The following PIWIL3 variants were observed in gnomAD, a reference collection of about 807,000 sequenced individuals.
PIWIL3 encodes piwi-like protein 3.
Under a neutral mutation model 109.7 loss-of-function variants are expected in PIWIL3, and 101 were observed. The ratio of observed to expected loss-of-function variants is 0.92; its 90% CI spans 0.78 to 1.09. The LOEUF (loss-of-function observed/expected upper bound fraction) is 1.09, where lower values mean the gene tolerates loss of function less well. PIWIL3 is among the 50% of genes least tolerant of loss of function. PIWIL3 has a pLI of 0.00. For synonymous variants in PIWIL3, 373 were observed against 376.4 expected (o/e 0.99, Z 0.10); for missense variants, 1,031 against 1,072.6 (o/e 0.96, Z 0.54).
At chr22:24,767,380 AAT>A (rs1254362433) in intron 1 of PIWIL3, among the ~76,000 whole-genome samples, 3 of 150,968 alleles carry the variant, frequency 2.0e-5, no homozygotes, top group Non-Finnish European at 3.0e-5. Flanking sequence ...TACTAAAAAA[AAT>A]AAATAAATAA....
intron 8 of PIWIL3, among the ~76,000 whole-genome samples, chr22:24,753,784 A>G (rs1344103648): frequency 6.6e-6 from 1 of 152,238 alleles, no homozygotes; most frequent in Non-Finnish European, 1.5e-5. Context: ...TGTGCAAGGT[A>G]GGGTTCAGAA....
chr22:24,768,920 C>T (rs115258859), intron 1 of PIWIL3, among the ~76,000 whole-genome samples: 2 of 152,282 alleles, frequency 1.3e-5, no homozygotes, highest in African/African-American at 4.8e-5. Flanking sequence ...ACAAGGTTTC[C>T]TCTTCACCAT....
chr22:24,742,110 T>A (rs1184731026), intron 12 of PIWIL3, among the ~76,000 whole-genome samples: 1 of 91,694 alleles, frequency 1.1e-5, no homozygotes, highest in Non-Finnish European at 2.2e-5. Context: ...GCAACCAAGC[T>A]AAGAATCAAA....
At chr22:24,729,925 T>G (rs1049527480) in intron 14 of PIWIL3, among the ~76,000 whole-genome samples, 4 of 151,576 alleles carry the variant, frequency 2.6e-5, no homozygotes, top group Non-Finnish European at 5.9e-5. Context: ...TGATGGATTC[T>G]ACTTTTTCTT....
At chr22:24,731,681 T>G (rs1310199134) in intron 14 of PIWIL3, among the ~76,000 whole-genome samples, 1 of 151,936 alleles carries the variant, frequency 6.6e-6, no homozygotes, top group Admixed American at 6.6e-5. Flanking sequence ...TAATCACTTA[T>G]GTCTTTAGAT....
rs61469163 is a variant in PIWIL3, at chr22:24,760,780, C to CAAAAAAAAAAAAAAAAAAAAA, written c.103-812_103-792dup. 2.6e-3 allele frequency among the ~76,000 whole-genome samples: 105 copies of CAAAAAAAAAAAAAAAAAAAAA among 41,014 alleles called. 11 individuals are homozygous for CAAAAAAAAAAAAAAAAAAAAA. Among genetic ancestry groups the CAAAAAAAAAAAAAAAAAAAAA allele is most frequent in the East Asian group, 5.3e-3 (5 of 940 alleles). 26.9% of individuals were successfully genotyped at this position (41,014 alleles called of 152,430 possible). ...GGGCAACAAGAGCGAAACTCTGTCT[C>CAAAAAAAAAAAAAAAAAAAAA]AAAAAAAAAAAAAAAAAAAAAAAGC... On this transcript the variant is annotated intron_variant, in intron 2 of 20. Coordinates refer to ENST00000616349, the MANE Select transcript of PIWIL3 (RefSeq NM_001255975.1).
chr22:24,748,215 G>A (rs1924485976), intron 12 of PIWIL3, among the ~76,000 whole-genome samples: 1 of 152,120 alleles, frequency 6.6e-6, no homozygotes, highest in African/African-American at 2.4e-5. Context: ...CTTATTTGTG[G>A]GATCTACAAG....
intron 1 of PIWIL3, among the ~76,000 whole-genome samples, chr22:24,767,633 T>C (rs565697615): frequency 1.3e-5 from 2 of 149,936 alleles, no homozygotes; most frequent in African/African-American, 4.9e-5. Flanking sequence ...CTATAAAAGG[T>C]GTAACATGCA....
chr22:24,748,611 G>A (rs781475167), intron 12 of PIWIL3, among the ~76,000 whole-genome samples: 7 of 152,136 alleles, frequency 4.6e-5, no homozygotes, highest in Non-Finnish European at 8.8e-5. Flanking sequence ...ACATAGGTTA[G>A]TGAATTACTT....
At position 24,735,743 on chromosome 22, in the gene PIWIL3, T is replaced by C. The variant is rs762613158; in HGVS notation, c.1599A>G (p.Thr533=). The change falls in exon 13 of 21, where the codon ACA becomes ACG. Residue 533 remains threonine, a synonymous_variant. Transcript: ENST00000616349. The part of the protein sequence containing the change: ...MSLKGHLQSV[T]APMGITMKPA... ...GTTTCATAGTTATGCCCATGGGGGCTGTGACACTCTGTAGATGACCCTTTA... is the reference window on the plus strand; with the variant it reads ...GTTTCATAGTTATGCCCATGGGGGCCGTGACACTCTGTAGATGACCCTTTA... 9 of 1,611,846 alleles carry C rather than the reference T, an allele frequency of 5.6e-6. No individual in the cohort carries two copies. The highest frequency in any genetic ancestry group is 6.8e-6 in the Non-Finnish European group (8 of 1,179,472).
chr22:24,752,445 T>G (rs1422125848), intron 8 of PIWIL3, among the ~76,000 whole-genome samples: 1 of 152,130 alleles, frequency 6.6e-6, no homozygotes, highest in East Asian at 1.9e-4. Context: ...CTTCGCAGGC[T>G]ATGTAAATGG....
chr22:24,737,671 G>A (rs538956678), intron 12 of PIWIL3, among the ~76,000 whole-genome samples: 132 of 152,300 alleles, frequency 8.7e-4, no homozygotes, highest in African/African-American at 3.1e-3. Flanking sequence ...GCCTTGGCTC[G>A]TGGATGGCAT....
chr22:24,722,991 T>C (rs1184572774), intron 19 of PIWIL3, 139 bp downstream of exon 19: 3 of 936,320 alleles, frequency 3.2e-6, no homozygotes, highest in Admixed American at 2.5e-5. Context: ...CTCTGCCCAA[T>C]AGTAAAAAAA....
rs554612731 is a variant in PIWIL3 at position 24,724,986 on chromosome 22, A to G, written c.2132T>C (p.Ile711Thr). 9.9e-6 allele frequency: 16 copies of G among 1,614,222 alleles called. No homozygotes were observed. The South Asian group carries it at 1.2e-4, about 12-fold the overall frequency. ...ATCTCCCACTCCATCCCGATACACA[A>G]TAACAGAATGTGGCATCGATGATTC... ...KNESSMPHSV[I>T]VYRDGVGDGQ... Residue 711 changes from isoleucine to threonine, a missense_variant, in exon 18 of 21, where the codon ATT (isoleucine) becomes ACT (threonine). Transcript: ENST00000616349.
At position 24,719,576 on chromosome 22, in the gene PIWIL3, C is replaced by T. The variant is rs760355223; in HGVS notation, c.2518G>A (p.Val840Ile). Residue 840 changes from valine to isoleucine, a missense_variant, in exon 21 of 21, where the codon GTT becomes ATT. Physicochemically the swap from Val to Ile is conservative, Grantham distance 29. Transcript: ENST00000616349. ...MYYNLPGIIR[V>I]PAPCHYAHKL... ...TGGGCATAGTGGCAAGGCGCTGGAA[C>T]TCGGATGATGCCCTTTAGTAGGAAA... 6.9e-6 allele frequency: 11 copies of T among 1,594,134 alleles called. No homozygotes were observed. Among genetic ancestry groups the T allele is most frequent in the Non-Finnish European group, 8.5e-6 (10 of 1,172,786 alleles).
intron 1 of PIWIL3, among the ~76,000 whole-genome samples, chr22:24,771,289 C>T (rs942634293): frequency 6.6e-6 from 1 of 151,690 alleles, no homozygotes; most frequent in African/African-American, 2.4e-5. Context: ...GATGAAACCC[C>T]GTCTCTACTA....
intron 19 of PIWIL3, among the ~76,000 whole-genome samples, chr22:24,722,019 G>A (rs1430613042): frequency 1.3e-5 from 2 of 152,176 alleles, no homozygotes; most frequent in African/African-American, 2.4e-5. Flanking sequence ...CAGGTTCTTA[G>A]GATAAGTGTC....
At chr22:24,740,157 G>T (rs1415339121) in intron 12 of PIWIL3, among the ~76,000 whole-genome samples, 2 of 144,458 alleles carry the variant, frequency 1.4e-5, no homozygotes, top group African/African-American at 5.2e-5. Context: ...GGTGGAGTTT[G>T]CAGCAAGCCA....
Position 24,749,721 on chromosome 22 carries a change from C to A in PIWIL3, c.1188G>T (p.Leu396=). The stretch of plus-strand genomic sequence containing the variant: ...TCATGTGGCACAGCTGAGGAATCAG[C>A]AGGATAGGTTCACGTTGTGTACCCG... ...GLTGTQREPI[L]LIPQLCHMTG... Residue 396 remains leucine (L), a synonymous_variant, in exon 10 of 21, where the codon CTG becomes CTT. Transcript: ENST00000616349. The A allele has an allele frequency of 6.2e-7, 1 of 1,614,022 alleles. No individual in the cohort carries two copies. Among genetic ancestry groups the A allele is most frequent in the East Asian group, 2.2e-5 (1 of 44,846 alleles).
Sources: allele counts gnomAD v4.1 joint callset (sites outside exome capture counted in the v4.1 genomes callset), GRCh38; gene constraint gnomAD v4.1.1; transcripts MANE v1.5; gene names NCBI Gene and HGNC (gene_info 2026-07-23, HGNC 2026-07-21).